AKAP9: variants seen among roughly 807,000 people sequenced by gnomAD.
AKAP9 encodes A-kinase anchor protein 9.
Under a neutral mutation model 488.5 loss-of-function variants are expected in AKAP9, and 311 were observed. The ratio of observed to expected loss-of-function variants is 0.64; its 90% CI spans 0.58 to 0.70. AKAP9 has a LOEUF of 0.70. AKAP9 is among the 30% of genes least tolerant of loss of function. AKAP9 has a pLI of 0.00. For synonymous variants in AKAP9, 1,462 were observed against 1,483.5 expected, an observed-to-expected ratio of 0.99 and a Z score of 0.33; for missense variants, 4,215 against 4,374.5, an observed-to-expected ratio of 0.96 and a Z score of 1.03.
intron 17 of AKAP9, 22 bp from the exon 18 acceptor site, chr7:92,040,652 T>G (rs1274638120): frequency 2.0e-6 from 3 of 1,464,636 alleles, no homozygotes; most frequent in Non-Finnish European, 2.8e-6. Context: ...AATTGTTTTT[T>G]TTTTTTTTTT....
intron 9 of AKAP9, among the ~76,000 whole-genome samples, chr7:92,013,123 C>G (rs1462107111): frequency 6.7e-6 from 1 of 148,862 alleles, no homozygotes; most frequent in Non-Finnish European, 1.5e-5. Flanking sequence ...TCCCAAGTAG[C>G]TGGGACTACA....
chr7:92,108,478 A>G lies in AKAP9; in HGVS notation c.11547-16A>G. The G allele has an allele frequency of 6.2e-7, 1 of 1,613,512 alleles. No homozygotes were observed. The highest frequency in any genetic ancestry group is 1.8e-4 in the Middle Eastern group (1 of 5,674). On this transcript the variant is annotated splice_polypyrimidine_tract_variant and intron_variant, in intron 48 of 49. Transcript: ENST00000356239. ...TCTGGATAACTTGATTCATGTACAT[A>G]TTTTTAATCCTTTAGGTACCCAGGC...
chr7:92,005,548 T>C (rs1799716778), intron 8 of AKAP9, among the ~76,000 whole-genome samples: 2 of 152,192 alleles, frequency 1.3e-5, no homozygotes, highest in South Asian at 4.1e-4. Flanking sequence ...ATATCATATT[T>C]ATGATCTTAT....
Position 92,070,177 on chromosome 7 carries a change from C to T in AKAP9, c.6478C>T (p.Leu2160Phe), listed in dbSNP as rs1292334241. Residue 2160 changes from leucine to phenylalanine, a missense_variant, in exon 27 of 50, where the codon CTT becomes TTT. By Grantham distance (22) the Leu-to-Phe change is conservative (BLOSUM62 0). Coordinates refer to ENST00000356239, the MANE Select transcript of AKAP9 (RefSeq NM_005751.5). ...CAGAGTAAGAGAACTGGAGCAGGCG[C>T]TTCTTGTGAGTGCAGATACTTTTCA... ...EFRVRELEQA[L>F]LVSADTFQKV... 6.2e-7 allele frequency: 1 copy of T among 1,613,992 alleles called. No individual in the cohort carries two copies. Among genetic ancestry groups the T allele is most frequent in the African/African-American group, 1.3e-5 (1 of 75,006 alleles).
In AKAP9 at chr7:91,992,040, A is replaced by G. The variant is rs1418880003; in HGVS notation, c.352-118A>G. ...TTAATCTCTGTATCTGTTTTCGCCA[A>G]TGATGCATTTTCCCTAGGAATAAAA... On this transcript the variant is annotated intron_variant, in intron 3 of 49. Coordinates refer to ENST00000356239, the MANE Select transcript of AKAP9 (RefSeq NM_005751.5). 7.2e-6 allele frequency: 6 copies of G among 828,434 alleles called. No homozygotes were observed. In the Admixed American group the frequency reaches 1.1e-4, roughly 16 times the overall value. 51.3% of individuals were successfully genotyped at this position (828,434 alleles called of 1,614,324 possible). A position where few individuals can be genotyped will look rare whatever the true frequency, so the allele number is the denominator to read the frequency against.
At position 92,027,862 on chromosome 7, in the gene AKAP9, A is replaced by G. The variant is rs1803573699; in HGVS notation, c.4149-2033A>G. 2.0e-5 allele frequency among the ~76,000 whole-genome samples: 3 copies of G among 152,322 alleles called. No individual in the cohort carries two copies. The South Asian group carries it at 6.2e-4, about 32-fold the overall frequency. On this transcript the variant is annotated intron_variant, in intron 14 of 49. Coordinates refer to ENST00000356239, the MANE Select transcript of AKAP9 (RefSeq NM_005751.5). ...TTTGTTGAAAAGAAAAGGGGGAAAT[A>G]TGGGGAAAAGAAAGAGAGATCAGAT...
At chr7:91,986,887 T>C (rs777340829) in intron 3 of AKAP9, among the ~76,000 whole-genome samples, 22 of 151,652 alleles carry the variant, frequency 1.5e-4, no homozygotes, top group Admixed American at 9.9e-4. Context: ...TAATTTCATA[T>C]ATATACATAT....
In AKAP9 at chr7:91,973,763, A is replaced by C; in HGVS notation, c.101A>C (p.Lys34Thr). 1 of 1,614,048 alleles carries C rather than the reference A, an allele frequency of 6.2e-7. No individual in the cohort carries two copies. Among genetic ancestry groups the C allele is most frequent in the Non-Finnish European group, 8.5e-7 (1 of 1,179,998 alleles). Residue 34 changes from lysine to threonine, a missense_variant, in exon 2 of 50, where the codon AAG (lysine) becomes ACG (threonine). Lys to Thr is a moderately conservative substitution (Grantham distance 78). Transcript: ENST00000356239. ...KAQSDGQSPS[K>T]KQKKKRKTSS... ...CAGTCGGATGGGCAGAGTCCTTCCA[A>C]GAAGCAGAAAAAAAAGAGAAAAACG...
intron 37 of AKAP9, among the ~76,000 whole-genome samples, chr7:92,089,163 A>C (rs928220955): frequency 6.6e-6 from 1 of 152,200 alleles, no homozygotes; most frequent in African/African-American, 2.4e-5. Context: ...GTTATGTAAA[A>C]GAATGTTCTT....
chr7:92,052,931 A>G lies in AKAP9; in HGVS notation c.5574A>G (p.Leu1858=), dbSNP rs368004938. Residue 1858 remains leucine (L), a synonymous_variant, in exon 22 of 50, where the codon CTA becomes CTG. Coordinates refer to ENST00000356239, the MANE Select transcript of AKAP9 (RefSeq NM_005751.5). Reference sequence around the variant, plus strand: ...TACAAGCAGCAGTTGAAAAACTCCTAGAAGCCATAAGTGAAACTAGCAGTC... The same window carrying G: ...TACAAGCAGCAGTTGAAAAACTCCTGGAAGCCATAAGTGAAACTAGCAGTC... ...SRLQAAVEKL[L]EAISETSSQL... The G allele has an allele frequency of 6.2e-6, 10 of 1,613,616 alleles. No individual in the cohort carries two copies. Among genetic ancestry groups the G allele is most frequent in the Non-Finnish European group, 8.5e-6 (10 of 1,179,752 alleles).
At position 92,001,137 on chromosome 7, in the gene AKAP9, G is replaced by A; in HGVS notation, c.1220G>A (p.Arg407Lys). The A allele has an allele frequency of 6.2e-7, 1 of 1,613,952 alleles. No individual in the cohort carries two copies. Among genetic ancestry groups the A allele is most frequent in the Non-Finnish European group, 8.5e-7 (1 of 1,179,938 alleles). The change falls in exon 8 of 50, where the codon AGA (arginine) becomes AAA (lysine). Residue 407 changes from arginine to lysine, a missense_variant. Physicochemically the swap from Arg to Lys is conservative, Grantham distance 26. Around this residue, in one of 5 missense-constraint regions of AKAP9, gnomAD observed 2,361 missense variants for 2,430.0 expected, o/e 0.97. Coordinates refer to ENST00000356239, the MANE Select transcript of AKAP9 (RefSeq NM_005751.5). Reference protein sequence around the residue: ...LMGTVEELQKRNHKDSQFETD... With the variant: ...LMGTVEELQKKNHKDSQFETD... ...GGGACAGTCGAAGAACTTCAGAAGAGAAATCATAAAGACAGCCAGTTCGAA... is the reference window on the plus strand; with the variant it reads ...GGGACAGTCGAAGAACTTCAGAAGAAAAATCATAAAGACAGCCAGTTCGAA...
intron 10 of AKAP9, among the ~76,000 whole-genome samples, chr7:92,015,806 C>A (rs1235540501): frequency 1.3e-5 from 2 of 152,106 alleles, no homozygotes; most frequent in Non-Finnish European, 2.9e-5. Context: ...TTTGAGATTA[C>A]AGAGATAACA....
At chr7:91,986,857 A>G (rs1397019469) in intron 3 of AKAP9, among the ~76,000 whole-genome samples, 2 of 151,918 alleles carry the variant, frequency 1.3e-5, no homozygotes, top group Admixed American at 1.3e-4. Context: ...ATGGTGAGAA[A>G]TATATTTTAC....
intron 17 of AKAP9, 52 bp from the exon 18 acceptor site, chr7:92,040,622 T>C (rs549949396): frequency 7.4e-7 from 1 of 1,348,774 alleles, no homozygotes; most frequent in African/African-American, 1.5e-5. Flanking sequence ...GACAGATTTT[T>C]ACAAAATGTG....
At chr7:92,008,918 G>A (rs934738753) in intron 8 of AKAP9, among the ~76,000 whole-genome samples, 19 of 151,288 alleles carry the variant, frequency 1.3e-4, no homozygotes, top group Non-Finnish European at 2.8e-4. Context: ...CCCTGGAGGT[G>A]GAGTTTGCAG....
At chr7:92,093,074 A>G (rs1418920202) in intron 38 of AKAP9, 23 bp from the exon 39 acceptor site, 2 of 1,589,558 alleles carry the variant, frequency 1.3e-6, no homozygotes, top group African/African-American at 1.3e-5. Flanking sequence ...TTATGTTTCA[A>G]ATATTAATCA....
chr7:92,033,507 G>T (rs553233895), intron 16 of AKAP9, among the ~76,000 whole-genome samples: 2 of 145,090 alleles, frequency 1.4e-5, no homozygotes, highest in Admixed American at 7.1e-5. Flanking sequence ...GTACAGTGGC[G>T]CAATCTCTGC....
At chr7:92,073,088 C>T (rs1811985763) in intron 28 of AKAP9, among the ~76,000 whole-genome samples, 1 of 152,146 alleles carries the variant, frequency 6.6e-6, no homozygotes, top group Non-Finnish European at 1.5e-5. Context: ...TTAGTGAGCT[C>T]TTAATGCACC....
chr7:92,051,386 A>T (rs147866994), intron 21 of AKAP9, among the ~76,000 whole-genome samples: 94 of 152,364 alleles, frequency 6.2e-4, no homozygotes, highest in African/African-American at 2.0e-3. Flanking sequence ...TTTTGAGCAC[A>T]TGGAGTAATA....
Sources: gnomAD v4.1 joint callset for allele counts (sites outside exome capture counted in the v4.1 genomes callset) on GRCh38, gnomAD v4.1.1 for gene constraint, gnomAD v4.1.1 regional missense constraint, MANE v1.5 for transcripts, NCBI Gene and HGNC (gene_info 2026-07-23, HGNC 2026-07-21) for gene names.